SPOCK3: variants seen among roughly 807,000 people sequenced by gnomAD.
SPOCK3 encodes the protein SPARC (osteonectin), cwcv and kazal like domains proteoglycan 3.
SPOCK3 carries 30 observed loss-of-function variants against 56.6 expected under a neutral mutation model. The ratio of observed to expected loss-of-function variants is 0.53; its 90% confidence interval spans 0.40 to 0.72. The LOEUF (loss-of-function observed/expected upper bound fraction) is 0.72, where lower values mean the gene tolerates loss of function less well. Ranked by LOEUF, SPOCK3 falls within the 30% of genes least tolerant of loss-of-function variation. The pLI, the probability that SPOCK3 is intolerant of heterozygous loss-of-function variation, is 0.00. For missense variants in SPOCK3, 527 were observed against 530.0 expected (o/e 0.99, Z 0.06); for synonymous variants, 196 against 183.3 (o/e 1.07, Z -0.56).
At chr4:166,929,346 TA>T (rs1472050535) in intron 4 of SPOCK3, among the ~76,000 whole-genome samples, 1 of 152,206 alleles carries the variant, frequency 6.6e-6, no homozygotes, top group Non-Finnish European at 1.5e-5. Flanking sequence ...ATGCATATTC[TA>T]AATCTTCCCA....
At chr4:166,988,191 G>A (rs1009834861) in intron 4 of SPOCK3, among the ~76,000 whole-genome samples, 3 of 152,028 alleles carry the variant, frequency 2.0e-5, no homozygotes, top group Non-Finnish European at 4.4e-5. Context: ...GATGAAGGTC[G>A]TGGTTGATAA....
chr4:166,755,195 T>G (rs1049448478), intron 7 of SPOCK3, among the ~76,000 whole-genome samples: 2 of 152,250 alleles, frequency 1.3e-5, no homozygotes, highest in South Asian at 2.1e-4. Context: ...AATAATTCCC[T>G]ATATCTTGGT....
intron 4 of SPOCK3, among the ~76,000 whole-genome samples, chr4:166,949,872 G>A (rs1333664893): frequency 6.6e-6 from 1 of 151,736 alleles, no homozygotes; most frequent in Non-Finnish European, 1.5e-5. Flanking sequence ...ATACTTTACA[G>A]ACAAGCAAAT....
chr4:166,765,197 C>A (rs956960155), intron 7 of SPOCK3, among the ~76,000 whole-genome samples: 4 of 152,150 alleles, frequency 2.6e-5, no homozygotes, highest in Non-Finnish European at 1.5e-5. Context: ...TTAATTAGAT[C>A]CCATTTGTCT....
At chr4:167,051,635 G>A (rs976789666) in intron 3 of SPOCK3, among the ~76,000 whole-genome samples, 9 of 152,194 alleles carry the variant, frequency 5.9e-5, no homozygotes, top group Non-Finnish European at 2.9e-5. Flanking sequence ...AAAGTTTAGA[G>A]TGAGGGTTGA....
At chr4:166,773,615 C>T (rs1739204612) in intron 7 of SPOCK3, among the ~76,000 whole-genome samples, 1 of 152,114 alleles carries the variant, frequency 6.6e-6, no homozygotes, top group Non-Finnish European at 1.5e-5. Context: ...TGTTCTTTTA[C>T]TACTTAGCTC....
chr4:166,819,903 G>T (rs541412996), intron 6 of SPOCK3, among the ~76,000 whole-genome samples: 76 of 151,916 alleles, frequency 5.0e-4, no homozygotes, highest in African/African-American at 1.7e-3. Context: ...ATAATTTTTC[G>T]TAGAGACAGA....
intron 4 of SPOCK3, among the ~76,000 whole-genome samples, chr4:166,935,645 G>T (rs769400395): frequency 3.3e-5 from 5 of 152,106 alleles, no homozygotes; most frequent in South Asian, 4.1e-4. Flanking sequence ...AAGAAGAATC[G>T]TTATAGAGTT....
At chr4:167,120,978 A>T (rs1199727023) in intron 2 of SPOCK3, among the ~76,000 whole-genome samples, 1 of 151,920 alleles carries the variant, frequency 6.6e-6, no homozygotes, top group Non-Finnish European at 1.5e-5. Context: ...AATATAAAAA[A>T]ATGCCTAACT....
rs940486924 is a variant in SPOCK3 at position 167,062,759 on chromosome 4, T to G, written c.190-222A>C. 5.9e-6 allele frequency: 3 copies of G among 509,328 alleles called. No individual in the cohort carries two copies. In the African/African-American group the frequency reaches 5.9e-5, roughly 10 times the overall value. The allele number at this position is 509,328 out of a possible 1,614,324, so 31.6% of individuals were successfully genotyped here. On this transcript the variant is annotated intron_variant, in intron 2 of 10. Transcript: ENST00000357545. Reference sequence around the variant, plus strand: ...ACACACTGTTTTCAAGTTACAGAAATGTCTTTCAATAAACCTGTTCATTTT... The same window carrying G: ...ACACACTGTTTTCAAGTTACAGAAAGGTCTTTCAATAAACCTGTTCATTTT...
chr4:166,986,350 T>C lies in SPOCK3; in HGVS notation c.350+13999A>G, dbSNP rs141542508. Among the ~76,000 whole-genome samples the C allele has an allele frequency of 5.5e-4, 84 of 152,264 alleles. 3 individuals carry two copies. In the East Asian group the frequency reaches 0.015, roughly 28 times the overall value. On this transcript the variant is annotated intron_variant, in intron 4 of 10. Coordinates refer to ENST00000357545, the MANE Select transcript of SPOCK3 (RefSeq NM_001040159.2). ...ATACTTTATAAAAAGTCTCTTTCCT[T>C]AGTTGGAGAAACTGTCCTCCTTAAA...
intron 2 of SPOCK3, among the ~76,000 whole-genome samples, chr4:167,167,984 C>T (rs1415371925): frequency 6.6e-6 from 1 of 152,074 alleles, no homozygotes. Flanking sequence ...GAATAAGTCT[C>T]ATGAGATCTG....
At chr4:167,063,122 T>G (rs1322264361) in intron 2 of SPOCK3, among the ~76,000 whole-genome samples, 1 of 151,854 alleles carries the variant, frequency 6.6e-6, no homozygotes, top group Non-Finnish European at 1.5e-5. Context: ...TTGAAAAGAA[T>G]GCACACCTAA....
intron 2 of SPOCK3, among the ~76,000 whole-genome samples, chr4:167,087,951 G>C (rs932955100): frequency 1.3e-5 from 2 of 151,872 alleles, no homozygotes; most frequent in African/African-American, 2.4e-5. Flanking sequence ...AGAAAAAGAT[G>C]GTAGTAGATA....
At chr4:167,144,831 A>G (rs1180457602) in intron 2 of SPOCK3, among the ~76,000 whole-genome samples, 1 of 151,846 alleles carries the variant, frequency 6.6e-6, no homozygotes, top group Admixed American at 6.6e-5. Flanking sequence ...AGAGTGGAAA[A>G]GAGGTCAGAG....
intron 2 of SPOCK3, among the ~76,000 whole-genome samples, chr4:167,148,331 G>A (rs972953839): frequency 2.6e-5 from 4 of 152,080 alleles, no homozygotes; most frequent in Non-Finnish European, 5.9e-5. Context: ...TATGTCAGTG[G>A]TGGTGAGACT....
chr4:166,974,253 T>C (rs930874405), intron 4 of SPOCK3, among the ~76,000 whole-genome samples: 2 of 152,118 alleles, frequency 1.3e-5, no homozygotes, highest in African/African-American at 4.8e-5. Context: ...TAATCAAGTA[T>C]CCACCAATGT....
At chr4:166,891,224 T>C (rs1430202243) in intron 5 of SPOCK3, among the ~76,000 whole-genome samples, 2 of 151,988 alleles carry the variant, frequency 1.3e-5, no homozygotes, top group Admixed American at 6.6e-5. Context: ...GTAATATGAC[T>C]TCTTTGGTGG....
chr4:166,803,213 G>C (rs1742804183), intron 6 of SPOCK3, among the ~76,000 whole-genome samples: 1 of 152,096 alleles, frequency 6.6e-6, no homozygotes, highest in South Asian at 2.1e-4. Flanking sequence ...AAATCACGCA[G>C]TTTTATTAAA....
Sources: allele counts gnomAD v4.1 joint callset (sites outside exome capture counted in the v4.1 genomes callset), GRCh38; gene constraint gnomAD v4.1.1; transcripts MANE v1.5; gene names NCBI Gene and HGNC (gene_info 2026-07-23, HGNC 2026-07-21).